PA2G4: variants seen among roughly 807,000 people sequenced by gnomAD.
PA2G4 encodes proliferation-associated 2G4, also known as proliferation-associated protein 2G4.
A neutral mutation model predicts 53.3 loss-of-function variants in PA2G4; 8 were observed. That is an observed-to-expected ratio of 0.15 (90% CI 0.09 to 0.27). The LOEUF is 0.27. Ranked by LOEUF, PA2G4 falls within the 10% of genes least tolerant of loss-of-function variation. PA2G4 has a pLI of 1.00. For missense variants in PA2G4, 208 were observed against 486.8 expected (o/e 0.43, Z 5.39); for synonymous variants, 143 against 169.8 (o/e 0.84, Z 1.23).
intron 6 of PA2G4, 79 bp from the exon 7 acceptor site, chr12:56,109,778 C>A (rs1223859255): frequency 2.0e-6 from 2 of 999,748 alleles, no homozygotes; most frequent in Non-Finnish European, 3.2e-6. Context: ...CCTACCACTT[C>A]AAACTACTGA....
chr12:56,105,331 C>T (rs1008567407), intron 1 of PA2G4, among the ~76,000 whole-genome samples: 2 of 152,090 alleles, frequency 1.3e-5, no homozygotes, highest in Non-Finnish European at 2.9e-5. Context: ...ACACCAGCTT[C>T]CCCACCACCA....
At chr12:56,111,709 AAT>A (rs57984311) in intron 12 of PA2G4, among the ~76,000 whole-genome samples, 180 bp downstream of exon 12, 1 of 144,554 alleles carries the variant, frequency 6.9e-6, no homozygotes, top group African/African-American at 2.5e-5. Flanking sequence ...TGGATTTTAA[AAT>A]ATATATATAT....
Position 56,104,651 on chromosome 12 carries a change from G to A in PA2G4, c.-87G>A, listed in dbSNP as rs1205999905. The stretch of plus-strand genomic sequence containing the variant: ...TCGCCCTCTCCTCGAGGATCGAGGG[G>A]ACTCTGACCACAGCCTGTGGCTGGG... On this transcript the variant is annotated 5_prime_UTR_variant, in exon 1 of 13. Transcript: ENST00000303305. 1 of 1,224,000 alleles carries A rather than the reference G, an allele frequency of 8.2e-7. No individual in the cohort carries two copies. Among genetic ancestry groups the A allele is most frequent in the Non-Finnish European group, 1.2e-6 (1 of 823,956 alleles). 75.8% of individuals were successfully genotyped at this position (1,224,000 alleles called of 1,614,324 possible).
chr12:56,109,649 A>G (rs967575924), intron 6 of PA2G4, among the ~76,000 whole-genome samples: 1 of 148,792 alleles, frequency 6.7e-6, no homozygotes, highest in Non-Finnish European at 1.5e-5. Flanking sequence ...AAAAAAAAGA[A>G]TGAGTGGCTT....
intron 12 of PA2G4, among the ~76,000 whole-genome samples, 180 bp downstream of exon 12, chr12:56,111,709 A>AATATAT (rs57984311): frequency 4.2e-5 from 6 of 144,550 alleles, no homozygotes; most frequent in Non-Finnish European, 7.6e-5. Flanking sequence ...TGGATTTTAA[A>AATATAT]ATATATATAT....
chr12:56,106,965 T>A (rs764650191), intron 2 of PA2G4, 25 bp from the exon 3 acceptor site: 2 of 1,565,676 alleles, frequency 1.3e-6, no homozygotes, highest in East Asian at 2.2e-5. Context: ...AGCAAGGCAG[T>A]AGGCTGATGA....
chr12:56,106,035 T>C (rs1237045588), intron 1 of PA2G4: 3 of 152,154 alleles, frequency 2.0e-5, no homozygotes, highest in Non-Finnish European at 4.4e-5. Flanking sequence ...AATCAGAAAA[T>C]CTCTTACAGT....
rs1197752238 is a variant in PA2G4 at position 56,104,626 on chromosome 12, T to G, written c.-112T>G. 1 of 1,060,322 alleles carries G rather than the reference T, an allele frequency of 9.4e-7. No homozygotes were observed. Among genetic ancestry groups the G allele is most frequent in the African/African-American group, 1.6e-5 (1 of 64,328 alleles). 65.7% of individuals were successfully genotyped at this position (1,060,322 alleles called of 1,614,324 possible). A position where few individuals can be genotyped will look rare whatever the true frequency, so the allele number is the denominator to read the frequency against. On this transcript the variant is annotated 5_prime_UTR_variant, in exon 1 of 13. Coordinates refer to ENST00000303305, the MANE Select transcript of PA2G4 (RefSeq NM_006191.3). ...CTCCCTTGCTTGCTCGCGCTTTCGCTCGCCCTCTCCTCGAGGATCGAGGGG... is the reference window on the plus strand; with the variant it reads ...CTCCCTTGCTTGCTCGCGCTTTCGCGCGCCCTCTCCTCGAGGATCGAGGGG...
intron 3 of PA2G4, 35 bp from the exon 4 acceptor site, chr12:56,107,152 A>G (rs1869318535): frequency 1.2e-6 from 2 of 1,603,196 alleles, no homozygotes; most frequent in Non-Finnish European, 8.5e-7. Flanking sequence ...ACAAAATGCC[A>G]GTTCCTAATG....
chr12:56,110,774 C>T, intron 9 of PA2G4, 82 bp downstream of exon 9: 1 of 1,553,342 alleles, frequency 6.4e-7, no homozygotes. Flanking sequence ...CCCTTCCTGC[C>T]TAGACTTGTA....
intron 12 of PA2G4, among the ~76,000 whole-genome samples, chr12:56,112,293 A>G (rs1027349934): frequency 1.3e-5 from 2 of 152,228 alleles, no homozygotes; most frequent in Non-Finnish European, 2.9e-5. Context: ...CATGAACCTC[A>G]TAGCTTAGCC....
In PA2G4 at chr12:56,113,638, A is replaced by C. The variant is rs1483727756; in HGVS notation, c.*750A>C. 2 of 585,294 alleles carry C rather than the reference A, an allele frequency of 3.4e-6. No individual in the cohort carries two copies. The highest frequency in any genetic ancestry group is 3.7e-5 in the African/African-American group (2 of 53,624). The allele number at this position is 585,294 out of a possible 1,614,324, so 36.3% of individuals were successfully genotyped here. ...TTACACAGACCTGAGCTGGAAGCTCAACTGGTTTTGTTCCCTGTTTGAAAT... is the reference window on the plus strand; with the variant it reads ...TTACACAGACCTGAGCTGGAAGCTCCACTGGTTTTGTTCCCTGTTTGAAAT... On this transcript the variant is annotated 3_prime_UTR_variant, in exon 13 of 13. Transcript: ENST00000303305.
chr12:56,111,595 A>G, intron 12 of PA2G4, 66 bp downstream of exon 12: 1 of 1,410,240 alleles, frequency 7.1e-7, no homozygotes, highest in Non-Finnish European at 1.0e-6. Context: ...CCACTGTGTT[A>G]AGTTGTAGTG....
At position 56,111,497 on chromosome 12, in the gene PA2G4, A is replaced by T. The variant is rs1267175494; in HGVS notation, c.1087A>T (p.Ser363Cys). 1 of 1,613,940 alleles carries T rather than the reference A, an allele frequency of 6.2e-7. No homozygotes were observed. The highest frequency in any genetic ancestry group is 1.7e-5 in the Admixed American group (1 of 59,992). Residue 363 changes from serine (S) to cysteine (C), a missense_variant, in exon 12 of 13, where the codon AGT becomes TGT. Transcript: ENST00000303305. ...CCAGGCCCTCCTCCAGAGTTCTGCA[A>T]GTCGAAAAACCCAGAAAAAGAAAAA... ...ELKALLQSSA[S>C]RKTQKKKKKK...
At chr12:56,110,034 GT>G (rs1869386339) in intron 7 of PA2G4, 99 bp downstream of exon 7, 1 of 842,724 alleles carries the variant, frequency 1.2e-6, no homozygotes, top group African/African-American at 1.7e-5. Context: ...TCTACTCCAT[GT>G]TTTCAGGAGT....
intron 9 of PA2G4, 41 bp from the exon 10 acceptor site, chr12:56,110,923 G>A (rs745851873): frequency 1.7e-5 from 27 of 1,556,166 alleles, no homozygotes; most frequent in Non-Finnish European, 2.3e-5. Context: ...AAGACTTGAT[G>A]GGGAGTTAAA....
At chr12:56,109,437 T>A (rs992776355) in intron 6 of PA2G4, 144 bp downstream of exon 6, 10 of 578,264 alleles carry the variant, frequency 1.7e-5, no homozygotes, top group Non-Finnish European at 3.2e-5. Flanking sequence ...CTGGCCAACA[T>A]GGTGAAACCC....
In PA2G4 at chr12:56,106,588, G is replaced by A; in HGVS notation, c.89G>A (p.Arg30Lys). 6.4e-7 allele frequency: 1 copy of A among 1,570,544 alleles called. No homozygotes were observed. The highest frequency in any genetic ancestry group is 8.6e-7 in the Non-Finnish European group (1 of 1,166,508). ...KYKMGGDIANRVLRSLVEASS... is the reference protein window; with the variant it reads ...KYKMGGDIANKVLRSLVEASS... ...TGACATGATGGGATTCTGTCCTCAG[G>A]GGTACTTCGGTCCTTGGTGGAAGCA... Residue 30 changes from arginine (R) to lysine (K), a missense_variant and splice_region_variant, in exon 2 of 13, where the codon AGG becomes AAG. By Grantham distance (26) the Arg-to-Lys change is conservative. Transcript: ENST00000303305.
intron 7 of PA2G4, 46 bp from the exon 8 acceptor site, chr12:56,110,353 C>CA (rs1453597460): frequency 1.7e-6 from 2 of 1,153,714 alleles, no homozygotes; most frequent in Non-Finnish European, 2.6e-6. Context: ...GAATGAGACT[C>CA]TGTGTCAAAA....
Sources: allele counts gnomAD v4.1 joint callset (sites outside exome capture counted in the v4.1 genomes callset), GRCh38; gene constraint gnomAD v4.1.1; transcripts MANE v1.5; gene names NCBI Gene and HGNC (gene_info 2026-07-23, HGNC 2026-07-21).